LHFPL3: variants seen among roughly 807,000 people sequenced by gnomAD.
The protein encoded by LHFPL3 is LHFPL tetraspan subfamily member 3.
In LHFPL3, 5 loss-of-function variants were observed where a neutral mutation model predicts 19.3. The observed-to-expected ratio is 0.26, with a 90% confidence interval of 0.14 to 0.54. The LOEUF is 0.54. Among genes scored for constraint, LHFPL3 ranks in the 20% least tolerant of loss-of-function variants. LHFPL3 has a pLI of 0.94. For synonymous variants in LHFPL3, 133 were observed against 126.2 expected, an observed-to-expected ratio of 1.05 and a Z score of -0.36; for missense variants, 249 against 307.4, an observed-to-expected ratio of 0.81 and a Z score of 1.42.
chr7:104,524,843 A>T (rs1052494692), intron 1 of LHFPL3, among the ~76,000 whole-genome samples: 1 of 152,160 alleles, frequency 6.6e-6, no homozygotes, highest in East Asian at 1.9e-4. Flanking sequence ...GTTCTTTTCT[A>T]TTCTCAAGAA....
intron 1 of LHFPL3, among the ~76,000 whole-genome samples, chr7:104,486,561 A>C (rs1793241186): frequency 1.3e-5 from 2 of 152,174 alleles, no homozygotes; most frequent in South Asian, 4.2e-4. Flanking sequence ...TCTTCTCTAA[A>C]GGCACTAATC....
chr7:104,340,196 T>G (rs1227558816), intron 1 of LHFPL3, among the ~76,000 whole-genome samples: 1 of 152,170 alleles, frequency 6.6e-6, no homozygotes, highest in Non-Finnish European at 1.5e-5. Context: ...ATTCCAGATT[T>G]TTTTTAAAAA....
intron 2 of LHFPL3, among the ~76,000 whole-genome samples, chr7:104,802,491 C>CAAAAAAAAAAAA (rs920866759): frequency 1.5e-5 from 1 of 65,502 alleles, no homozygotes; most frequent in African/African-American, 5.9e-5. Flanking sequence ...AACCCTATCT[C>CAAAAAAAAAAAA]AAAAAAAAAA....
chr7:104,832,455 G>A lies in LHFPL3; in HGVS notation c.683-73732G>A, dbSNP rs914659750. The stretch of plus-strand genomic sequence containing the variant: ...TTTCATTTTGTCCAAATGTGTCATC[G>A]CATAATACTCCTGTAAAGCATATTT... On this transcript the variant is annotated intron_variant, in intron 2 of 2. Transcript: ENST00000424859. Among the ~76,000 whole-genome samples the A allele has an allele frequency of 4.6e-5, 7 of 151,568 alleles. No homozygotes were observed. In the East Asian group the frequency reaches 9.6e-4, roughly 21 times the overall value.
intron 2 of LHFPL3, among the ~76,000 whole-genome samples, chr7:104,850,792 C>A (rs1791402747): frequency 6.6e-6 from 1 of 151,554 alleles, no homozygotes; most frequent in East Asian, 1.9e-4. Context: ...TACCCCCCCA[C>A]CCCCGCCAAG....
At chr7:104,563,656 G>T (rs549367383) in intron 1 of LHFPL3, among the ~76,000 whole-genome samples, 1 of 152,376 alleles carries the variant, frequency 6.6e-6, no homozygotes, top group East Asian at 1.9e-4. Context: ...TGTTGCTCAG[G>T]CTGGGAGCTG....
intron 1 of LHFPL3, among the ~76,000 whole-genome samples, chr7:104,347,903 C>T (rs1335186471): frequency 1.5e-5 from 2 of 132,286 alleles, no homozygotes; most frequent in African/African-American, 2.8e-5. Context: ...AAAAAAAAAA[C>T]AAAATAAAAA....
intron 1 of LHFPL3, among the ~76,000 whole-genome samples, chr7:104,392,071 T>G (rs945155597): frequency 6.6e-6 from 1 of 152,214 alleles, no homozygotes; most frequent in African/African-American, 2.4e-5. Flanking sequence ...CTTATCAGCT[T>G]AAGGAGATTT....
At chr7:104,512,411 C>T (rs984727178) in intron 1 of LHFPL3, among the ~76,000 whole-genome samples, 16 of 152,002 alleles carry the variant, frequency 1.1e-4, no homozygotes, top group African/African-American at 3.6e-4. Flanking sequence ...CTTCAGAGAG[C>T]TTTTCATCTA....
intron 1 of LHFPL3, among the ~76,000 whole-genome samples, chr7:104,519,689 C>T (rs1794005246): frequency 6.6e-6 from 1 of 151,886 alleles, no homozygotes; most frequent in African/African-American, 2.4e-5. Context: ...TGAACAGGAC[C>T]AGGTCATGGC....
chr7:104,615,740 T>C (rs1335300551), intron 1 of LHFPL3, among the ~76,000 whole-genome samples: 2 of 151,990 alleles, frequency 1.3e-5, no homozygotes, highest in Non-Finnish European at 2.9e-5. Context: ...GTGTTCTCTT[T>C]GTTCAACTCC....
chr7:104,613,167 C>T (rs773574926), intron 1 of LHFPL3, among the ~76,000 whole-genome samples: 1 of 152,178 alleles, frequency 6.6e-6, no homozygotes, highest in Admixed American at 6.6e-5. Context: ...AAGACATCCA[C>T]TGGCAAAGTA....
intron 1 of LHFPL3, among the ~76,000 whole-genome samples, chr7:104,563,099 G>A (rs1373240376): frequency 6.6e-6 from 1 of 151,990 alleles, no homozygotes; most frequent in Non-Finnish European, 1.5e-5. Flanking sequence ...GTCAGACAGG[G>A]ACATTTAAGT....
chr7:104,865,904 G>C (rs1303668915), intron 2 of LHFPL3, among the ~76,000 whole-genome samples: 5 of 152,232 alleles, frequency 3.3e-5, no homozygotes, highest in Non-Finnish European at 7.3e-5. Flanking sequence ...AGCCAGAAGA[G>C]AGTGGGGGCC....
chr7:104,457,240 G>A (rs1169429946), intron 1 of LHFPL3, among the ~76,000 whole-genome samples: 1 of 151,772 alleles, frequency 6.6e-6, no homozygotes, highest in African/African-American at 2.4e-5. Flanking sequence ...TTTAGCATTA[G>A]GTATATCTCC....
intron 1 of LHFPL3, among the ~76,000 whole-genome samples, chr7:104,509,417 G>A (rs1333170811): frequency 6.6e-6 from 1 of 152,020 alleles, no homozygotes; most frequent in Non-Finnish European, 1.5e-5. Flanking sequence ...AGGATGCAAA[G>A]CTAGTTTAAT....
chr7:104,473,410 G>T (rs1792949242), intron 1 of LHFPL3, among the ~76,000 whole-genome samples: 1 of 152,154 alleles, frequency 6.6e-6, no homozygotes, highest in Admixed American at 6.5e-5. Flanking sequence ...ATGGCATGCA[G>T]GTTGCCTAAC....
At chr7:104,425,564 A>G (rs1791830192) in intron 1 of LHFPL3, among the ~76,000 whole-genome samples, 1 of 152,184 alleles carries the variant, frequency 6.6e-6, no homozygotes, top group Admixed American at 6.5e-5. Context: ...AAATTTTCAC[A>G]AGGGGAAAAA....
intron 1 of LHFPL3, among the ~76,000 whole-genome samples, chr7:104,554,664 TAGATA>T (rs1301118299): frequency 1.3e-5 from 2 of 150,622 alleles, no homozygotes; most frequent in Non-Finnish European, 1.5e-5. Context: ...GATAGATAGA[TAGATA>T]GATAGATAGA....
Sources: gnomAD v4.1 joint callset for allele counts (sites outside exome capture counted in the v4.1 genomes callset) on GRCh38, gnomAD v4.1.1 for gene constraint, MANE v1.5 for transcripts, NCBI Gene and HGNC (gene_info 2026-07-23, HGNC 2026-07-21) for gene names.